RBMS3: variants seen among roughly 807,000 people sequenced by gnomAD.
RBMS3 encodes RNA binding motif single stranded interacting protein 3, also known as RNA-binding motif, single-stranded-interacting protein 3.
Under a neutral mutation model 66.8 loss-of-function variants are expected in RBMS3, and 27 were observed. The ratio of observed to expected loss-of-function variants is 0.40; its 90% CI spans 0.30 to 0.56. The LOEUF (loss-of-function observed/expected upper bound fraction) is 0.56, where lower values mean the gene tolerates loss of function less well. Ranked by LOEUF, RBMS3 falls within the 20% of genes least tolerant of loss-of-function variation. The pLI is 0.40. For synonymous variants in RBMS3, 188 were observed against 183.0 expected, an observed-to-expected ratio of 1.03 and a Z score of -0.22; for missense variants, 513 against 549.5, an observed-to-expected ratio of 0.93 and a Z score of 0.66.
At chr3:29,368,813 C>T (rs2038040757) in intron 1 of RBMS3, among the ~76,000 whole-genome samples, 1 of 152,118 alleles carries the variant, frequency 6.6e-6, no homozygotes, top group Non-Finnish European at 1.5e-5. Flanking sequence ...CCAGCAATCC[C>T]ATTACTGAGT....
intron 1 of RBMS3, among the ~76,000 whole-genome samples, chr3:29,368,238 C>A (rs2038011287): frequency 6.6e-6 from 1 of 152,214 alleles, no homozygotes; most frequent in Non-Finnish European, 1.5e-5. Context: ...GTGGAAAAAA[C>A]CATCAAGGTC....
At chr3:29,552,571 CT>C (rs1366977589) in intron 3 of RBMS3, among the ~76,000 whole-genome samples, 1 of 152,118 alleles carries the variant, frequency 6.6e-6, no homozygotes, top group African/African-American at 2.4e-5. Context: ...CATCAACCGT[CT>C]TCTCTAAGCA....
rs768781158 is a variant in RBMS3 at position 30,003,906 on chromosome 3, G to A, written c.*44G>A. The A allele has an allele frequency of 7.0e-7, 1 of 1,429,460 alleles. No homozygotes were observed. Among genetic ancestry groups the A allele is most frequent in the South Asian group, 1.7e-5 (1 of 58,476 alleles). 88.5% of individuals were successfully genotyped at this position (1,429,460 alleles called of 1,614,324 possible). The stretch of plus-strand genomic sequence containing the variant: ...TGTCTGAATCTTTGCCTTGAATGAA[G>A]AAACTTCATTGAACAAGAAGTTGGC... On this transcript the variant is annotated 3_prime_UTR_variant, in exon 15 of 15. Transcript: ENST00000383767.
chr3:29,617,189 A>G (rs2048701934), intron 4 of RBMS3: 1 of 152,202 alleles, frequency 6.6e-6, no homozygotes, highest in Non-Finnish European at 1.5e-5. Flanking sequence ...TTGGGCAGGA[A>G]CACAGACTTA....
At chr3:29,319,645 T>A (rs1020424163) in intron 1 of RBMS3, among the ~76,000 whole-genome samples, 2 of 152,144 alleles carry the variant, frequency 1.3e-5, no homozygotes, top group East Asian at 1.9e-4. Flanking sequence ...AAAATAAGTG[T>A]CTTGCTTAAA....
chr3:29,325,524 G>A (rs1041262539), intron 1 of RBMS3, among the ~76,000 whole-genome samples: 1 of 151,602 alleles, frequency 6.6e-6, no homozygotes, highest in Non-Finnish European at 1.5e-5. Flanking sequence ...ATGTGTGTGT[G>A]TGTATGTATG....
intron 4 of RBMS3, among the ~76,000 whole-genome samples, chr3:29,667,666 T>G (rs2050821754): frequency 6.6e-6 from 1 of 152,204 alleles, no homozygotes; most frequent in Non-Finnish European, 1.5e-5. Flanking sequence ...AAGGAAAGTC[T>G]TCTGAAATGA....
intron 4 of RBMS3, among the ~76,000 whole-genome samples, chr3:29,654,428 C>T (rs1479991857): frequency 6.6e-6 from 1 of 151,404 alleles, no homozygotes; most frequent in Non-Finnish European, 1.5e-5. Flanking sequence ...CACTACTCAT[C>T]TACAGTAAAG....
At chr3:29,716,381 T>G (rs1047510110) in intron 4 of RBMS3, among the ~76,000 whole-genome samples, 1 of 152,126 alleles carries the variant, frequency 6.6e-6, no homozygotes, top group Non-Finnish European at 1.5e-5. Context: ...AAGCTCTGAA[T>G]TGATATTAGT....
chr3:29,516,446 T>G (rs2044627865), intron 3 of RBMS3, among the ~76,000 whole-genome samples: 1 of 151,514 alleles, frequency 6.6e-6, no homozygotes, highest in African/African-American at 2.4e-5. Flanking sequence ...TTTTTTTTTG[T>G]TTGTTTTTGT....
chr3:29,427,340 A>G (rs2040997780), intron 1 of RBMS3, among the ~76,000 whole-genome samples: 1 of 152,224 alleles, frequency 6.6e-6, no homozygotes, highest in African/African-American at 2.4e-5. Flanking sequence ...TTAGATATTA[A>G]TTTAGCTGCA....
At chr3:29,474,330 A>G (rs1225179761) in intron 2 of RBMS3, among the ~76,000 whole-genome samples, 1 of 152,188 alleles carries the variant, frequency 6.6e-6, no homozygotes, top group Non-Finnish European at 1.5e-5. Flanking sequence ...CTGTTCTATT[A>G]TTAATAAGCA....
At chr3:29,339,593 T>TAAG (rs2036163828) in intron 1 of RBMS3, among the ~76,000 whole-genome samples, 3 of 151,660 alleles carry the variant, frequency 2.0e-5, no homozygotes, top group Admixed American at 6.6e-5. Flanking sequence ...TTTTTTTTTT[T>TAAG]AAGAAGAAAG....
intron 3 of RBMS3, among the ~76,000 whole-genome samples, chr3:29,576,244 G>A (rs1429160888): frequency 1.3e-5 from 2 of 152,150 alleles, no homozygotes; most frequent in Non-Finnish European, 2.9e-5. Flanking sequence ...GTGGTCTTGG[G>A]TAAGATCTGG....
At chr3:29,746,479 T>A (rs182356041) in intron 5 of RBMS3, among the ~76,000 whole-genome samples, 5 of 152,354 alleles carry the variant, frequency 3.3e-5, no homozygotes, top group African/African-American at 9.6e-5. Flanking sequence ...TGTTTCATTC[T>A]TTTTGGTAAT....
intron 4 of RBMS3, among the ~76,000 whole-genome samples, chr3:29,705,720 A>G (rs935141279): frequency 2.6e-5 from 4 of 152,168 alleles, no homozygotes; most frequent in Non-Finnish European, 5.9e-5. Flanking sequence ...AAGCATTATC[A>G]TGGCATAATT....
intron 3 of RBMS3, among the ~76,000 whole-genome samples, chr3:29,548,642 T>G (rs2046066250): frequency 6.6e-6 from 1 of 151,882 alleles, no homozygotes; most frequent in African/African-American, 2.4e-5. Context: ...CCAAGCAGGC[T>G]TCTATAAACT....
chr3:29,303,492 A>G (rs1465555831), intron 1 of RBMS3, among the ~76,000 whole-genome samples: 8 of 152,020 alleles, frequency 5.3e-5, no homozygotes, highest in Non-Finnish European at 1.2e-4. Flanking sequence ...TCTGCATTAT[A>G]AAACCTGCCT....
intron 3 of RBMS3, among the ~76,000 whole-genome samples, chr3:29,586,714 A>G (rs2047531571): frequency 6.6e-6 from 1 of 152,060 alleles, no homozygotes; most frequent in Non-Finnish European, 1.5e-5. Flanking sequence ...GTTTTTGTTA[A>G]CATCAATATT....
Sources: allele counts gnomAD v4.1 joint callset (sites outside exome capture counted in the v4.1 genomes callset), GRCh38; gene constraint gnomAD v4.1.1; transcripts MANE v1.5; gene names NCBI Gene and HGNC (gene_info 2026-07-23, HGNC 2026-07-21).